The following NPSR1 variants were observed in gnomAD, a reference collection of about 807,000 sequenced individuals.
NPSR1 encodes neuropeptide S receptor.
NPSR1 carries 48 observed loss-of-function variants against 46.9 expected under a neutral mutation model. The observed-to-expected ratio is 1.02, with a 90% confidence interval of 0.81 to 1.30. The LOEUF is 1.30. Among genes scored for constraint, NPSR1 ranks in the 50% most tolerant of loss-of-function variants. The pLI is 0.00. For synonymous variants in NPSR1, 176 were observed against 168.1 expected (o/e 1.05, Z -0.36); for missense variants, 450 against 449.5 (o/e 1.00, Z -0.01).
At chr7:34,769,927 A>T (rs1786600008) in intron 2 of NPSR1, among the ~76,000 whole-genome samples, 1 of 152,204 alleles carries the variant, frequency 6.6e-6, no homozygotes, top group Admixed American at 6.5e-5. Flanking sequence ...GTTAATTATC[A>T]TTTAGGAGCA....
intron 6 of NPSR1, among the ~76,000 whole-genome samples, chr7:34,837,001 T>A (rs1790400015): frequency 6.6e-6 from 1 of 152,004 alleles, no homozygotes. Context: ...GTGCACATAT[T>A]TTTACTTAGC....
chr7:34,680,043 C>T (rs1398589947), intron 1 of NPSR1, among the ~76,000 whole-genome samples: 1 of 152,036 alleles, frequency 6.6e-6, no homozygotes, highest in African/African-American at 2.4e-5. Flanking sequence ...ACAAAGCTCA[C>T]ATGATATGAC....
At chr7:34,831,082 C>T (rs1279561612) in intron 5 of NPSR1, among the ~76,000 whole-genome samples, 2 of 152,204 alleles carry the variant, frequency 1.3e-5, no homozygotes, top group African/African-American at 4.8e-5. Flanking sequence ...TCCAACCTCA[C>T]TTTGTCCATG....
At chr7:34,780,925 GA>G (rs746370755) in intron 3 of NPSR1, among the ~76,000 whole-genome samples, 1 of 152,136 alleles carries the variant, frequency 6.6e-6, no homozygotes, top group Non-Finnish European at 1.5e-5. Flanking sequence ...CTTTGCTTAT[GA>G]CAAAGGTATT....
intron 3 of NPSR1, among the ~76,000 whole-genome samples, chr7:34,790,372 C>CTCTTCTGT (rs1787675122): frequency 6.6e-6 from 1 of 151,904 alleles, no homozygotes; most frequent in Non-Finnish European, 1.5e-5. Flanking sequence ...AGAAGTGCTT[C>CTCTTCTGT]AACAAATAAA....
chr7:34,755,800 T>A (rs936269920), intron 2 of NPSR1, among the ~76,000 whole-genome samples: 5 of 151,120 alleles, frequency 3.3e-5, no homozygotes, highest in Admixed American at 2.6e-4. Context: ...AAAAAAATAA[T>A]AGTAATAGCT....
In NPSR1 at chr7:34,701,661, C is replaced by T. The variant is rs192675054; in HGVS notation, c.280+16977C>T. Among the ~76,000 whole-genome samples the T allele has an allele frequency of 1.7e-4, 26 of 152,294 alleles. No individual in the cohort carries two copies. The East Asian group carries it at 4.8e-3, about 28-fold the overall frequency. On this transcript the variant is annotated intron_variant, in intron 2 of 8. Transcript: ENST00000360581. The stretch of plus-strand genomic sequence containing the variant: ...GGGAAATTCTTTCCTCCCCTATATG[C>T]TTAAATCATAAGATTCAACTGACAT...
Position 34,834,617 on chromosome 7 carries a change from C to T in NPSR1, c.757+157C>T, listed in dbSNP as rs75517646. 0.023 allele frequency among the ~76,000 whole-genome samples: 3,484 copies of T among 152,240 alleles called. 64 individuals carry two copies. Among genetic ancestry groups the T allele is most frequent in the Non-Finnish European group, 0.036 (2,457 of 68,012 alleles). On this transcript the variant is annotated intron_variant, in intron 6 of 8. Coordinates refer to ENST00000360581, the MANE Select transcript of NPSR1 (RefSeq NM_207172.2). ...CAGACCCACCAAAGGCTGTCACAGG[C>T]GGGCTCTGTCTTCCCCCATGTGACC...
At chr7:34,691,826 T>C (rs1050514346) in intron 2 of NPSR1, among the ~76,000 whole-genome samples, 2 of 152,136 alleles carry the variant, frequency 1.3e-5, no homozygotes, top group Non-Finnish European at 2.9e-5. Context: ...AAAAAATCTC[T>C]GGACTTATTC....
intron 4 of NPSR1, among the ~76,000 whole-genome samples, chr7:34,818,571 T>A (rs1456415517): frequency 6.6e-6 from 1 of 152,128 alleles, no homozygotes; most frequent in Non-Finnish European, 1.5e-5. Context: ...AAAACTACTT[T>A]AAAGTTCATA....
At chr7:34,663,470 T>C (rs1583757606) in intron 1 of NPSR1, among the ~76,000 whole-genome samples, 1 of 152,136 alleles carries the variant, frequency 6.6e-6, no homozygotes, top group Non-Finnish European at 1.5e-5. Context: ...TTCCACCTCA[T>C]GATAGATGGG....
At position 34,746,020 on chromosome 7, in the gene NPSR1, G is replaced by C. The variant is rs188255152; in HGVS notation, c.281-32442G>C. On this transcript the variant is annotated intron_variant, in intron 2 of 8. Transcript: ENST00000360581. ...AAATAGTTTTTGCCTAATGGATTCA[G>C]AGTCTTAGTGACCCTCAGAGGTCCT... Among the ~76,000 whole-genome samples, 7 of 152,318 alleles carry C rather than the reference G, an allele frequency of 4.6e-5. No individual in the cohort carries two copies. The East Asian group carries it at 1.4e-3, about 29-fold the overall frequency.
chr7:34,864,385 GAA>G (rs919838415), intron 8 of NPSR1, among the ~76,000 whole-genome samples: 1 of 135,442 alleles, frequency 7.4e-6, no homozygotes, highest in Non-Finnish European at 1.6e-5. Flanking sequence ...AAAAAAAAAA[GAA>G]AAAAAAAAGA....
In NPSR1 at chr7:34,844,936, A is replaced by G; in HGVS notation, c.798A>G (p.Ser266=). 6.2e-7 allele frequency: 1 copy of G among 1,613,310 alleles called. No individual in the cohort carries two copies. Among genetic ancestry groups the G allele is most frequent in the South Asian group, 1.1e-5 (1 of 91,068 alleles). ...GCAGCTATAACCGAGGACTCATCTC[A>G]AAGGCAAAAATCAAGGCTATCAAGT... ...LCSSYNRGLI[S]KAKIKAIKYS... The change falls in exon 7 of 9, where the codon TCA becomes TCG. Residue 266 remains serine, a synonymous_variant. Transcript: ENST00000360581.
At chr7:34,662,881 T>C (rs191783935) in intron 1 of NPSR1, among the ~76,000 whole-genome samples, 10 of 152,300 alleles carry the variant, frequency 6.6e-5, no homozygotes, top group Admixed American at 5.9e-4. Flanking sequence ...TCAGCTAAAT[T>C]TCTCTTTGCA....
At chr7:34,731,544 T>G (rs528679756) in intron 2 of NPSR1, among the ~76,000 whole-genome samples, 1 of 152,238 alleles carries the variant, frequency 6.6e-6, no homozygotes, top group Non-Finnish European at 1.5e-5. Flanking sequence ...TCCACCAATA[T>G]GTATTACTTA....
chr7:34,670,374 T>C lies in NPSR1; in HGVS notation c.147+11815T>C, dbSNP rs560905838. 5.7e-4 allele frequency among the ~76,000 whole-genome samples: 86 copies of C among 152,176 alleles called. 1 individual carries two copies. The highest frequency in any genetic ancestry group is 3.4e-3 in the Middle Eastern group (1 of 290). On this transcript the variant is annotated intron_variant, in intron 1 of 8. Transcript: ENST00000360581. The stretch of plus-strand genomic sequence containing the variant: ...CCACAGTTAGTAAAAAAGGAACTAG[T>C]ATTTTTGCAACAAAAGTAGTGGGTG...
At chr7:34,831,494 A>AAG (rs368764650) in intron 5 of NPSR1, among the ~76,000 whole-genome samples, 25 of 150,420 alleles carry the variant, frequency 1.7e-4, no homozygotes, top group Non-Finnish European at 8.9e-5. Flanking sequence ...GAGGGAGGGA[A>AAG]AGAGAGAGAG....
intron 1 of NPSR1, among the ~76,000 whole-genome samples, chr7:34,670,882 T>G (rs1326894355): frequency 6.6e-6 from 1 of 152,038 alleles, no homozygotes. Flanking sequence ...TAAAACTGTT[T>G]GTGGGAGAGT....
Sources: allele counts gnomAD v4.1 joint callset (sites outside exome capture counted in the v4.1 genomes callset), GRCh38; gene constraint gnomAD v4.1.1; transcripts MANE v1.5; gene names NCBI Gene and HGNC (gene_info 2026-07-23, HGNC 2026-07-21).